The following UBA3 variants were observed in gnomAD, a reference collection of about 807,000 sequenced individuals.
UBA3 encodes the protein ubiquitin like modifier activating enzyme 3.
Under a neutral mutation model 73.5 loss-of-function variants are expected in UBA3, and 26 were observed. The ratio of observed to expected loss-of-function variants is 0.35; its 90% CI spans 0.26 to 0.49. The LOEUF (loss-of-function observed/expected upper bound fraction) is 0.49. Ranked by LOEUF, UBA3 falls within the 20% of genes least tolerant of loss-of-function variation. The pLI is 0.98. For missense variants in UBA3, 495 were observed against 555.6 expected (o/e 0.89, Z 1.10); for synonymous variants, 217 against 191.2 (o/e 1.13, Z -1.11).
chr3:69,080,100 G>A lies in UBA3; in HGVS notation c.62+12C>T. ...TCCCCGGAGAGGGCCCCGGCCTCCC[G>A]GCAGCACTAACTTCTCAGCCAGCAG... On this transcript the variant is annotated intron_variant, in intron 2 of 17. Coordinates refer to ENST00000361055, the MANE Select transcript of UBA3 (RefSeq NM_003968.4). 3 of 1,607,864 alleles carry A rather than the reference G, an allele frequency of 1.9e-6. No individual in the cohort carries two copies. Among genetic ancestry groups the A allele is most frequent in the Non-Finnish European group, 2.5e-6 (3 of 1,178,398 alleles).
intron 6 of UBA3, among the ~76,000 whole-genome samples, chr3:69,065,204 G>T (rs1178122982): frequency 6.6e-6 from 1 of 151,986 alleles, no homozygotes; most frequent in Admixed American, 6.6e-5. Flanking sequence ...CACATAATGG[G>T]GATAGACAAA....
intron 3 of UBA3, among the ~76,000 whole-genome samples, chr3:69,077,002 G>C (rs1214274695): frequency 6.7e-6 from 1 of 149,212 alleles, no homozygotes; most frequent in Non-Finnish European, 1.5e-5. Flanking sequence ...TCATTTAACA[G>C]AAGTAACAAT....
chr3:69,074,787 T>G (rs1207993378), intron 4 of UBA3, among the ~76,000 whole-genome samples: 1 of 152,204 alleles, frequency 6.6e-6, no homozygotes, highest in African/African-American at 2.4e-5. Flanking sequence ...AATTATATAC[T>G]TAATTTATTT....
intron 4 of UBA3, among the ~76,000 whole-genome samples, chr3:69,072,884 C>T (rs758341675): frequency 1.3e-5 from 2 of 152,166 alleles, no homozygotes; most frequent in Non-Finnish European, 2.9e-5. Context: ...GTATCATCCT[C>T]GATTCCTTTC....
chr3:69,075,823 C>A (rs1003261683), intron 3 of UBA3, among the ~76,000 whole-genome samples: 1 of 152,110 alleles, frequency 6.6e-6, no homozygotes, highest in Admixed American at 6.5e-5. Context: ...CCTCCGCCTC[C>A]CAGATTCAGG....
intron 11 of UBA3, chr3:69,061,523 A>G: frequency 4.2e-6 from 1 of 238,804 alleles, no homozygotes; most frequent in Non-Finnish European, 8.1e-6. Flanking sequence ...AATATATAGA[A>G]TATTTGTCTA....
At chr3:69,063,567 G>A in intron 7 of UBA3, 64 bp from the exon 8 acceptor site, 1 of 1,325,954 alleles carries the variant, frequency 7.5e-7, no homozygotes, top group Non-Finnish European at 1.0e-6. Context: ...ATCTTTCAAT[G>A]TAGATTCATC....
chr3:69,057,776 G>A (rs1246665631), intron 11 of UBA3, among the ~76,000 whole-genome samples: 1 of 151,990 alleles, frequency 6.6e-6, no homozygotes, highest in Non-Finnish European at 1.5e-5. Context: ...TGAAGAATAA[G>A]TGTTATCTAA....
intron 6 of UBA3, among the ~76,000 whole-genome samples, chr3:69,067,194 TTGAAGA>T (rs1229423182): frequency 1.3e-5 from 2 of 152,350 alleles, no homozygotes. Context: ...CTTCCAATCT[TTGAAGA>T]TGGACTATCT....
chr3:69,056,724 ATT>A, intron 13 of UBA3, 31 bp from the exon 14 acceptor site: 5 of 1,609,192 alleles, frequency 3.1e-6, no homozygotes, highest in East Asian at 4.5e-5. Flanking sequence ...TCTTTATATA[ATT>A]AAACCAAGTC....
chr3:69,078,681 C>T (rs2092191100), intron 2 of UBA3, among the ~76,000 whole-genome samples: 1 of 152,152 alleles, frequency 6.6e-6, no homozygotes, highest in Admixed American at 6.5e-5. Flanking sequence ...CCATGTTGCA[C>T]AGGCTGGTCT....
intron 3 of UBA3, 129 bp from the exon 4 acceptor site, chr3:69,075,639 G>T: frequency 2.8e-6 from 1 of 354,338 alleles, no homozygotes; most frequent in Non-Finnish European, 5.2e-6. Context: ...AGGAGACTTT[G>T]TATTTGCTCA....
intron 4 of UBA3, among the ~76,000 whole-genome samples, chr3:69,072,367 G>T (rs2092127637): frequency 6.6e-6 from 1 of 152,140 alleles, no homozygotes; most frequent in Admixed American, 6.5e-5. Flanking sequence ...TATACCAAGA[G>T]ATCTTCAAGA....
intron 11 of UBA3, among the ~76,000 whole-genome samples, chr3:69,060,003 A>G (rs934894685): frequency 2.4e-4 from 37 of 152,298 alleles, no homozygotes; most frequent in African/African-American, 8.9e-4. Context: ...CATCCTTGTG[A>G]ACAAGATAAA....
Position 69,059,369 on chromosome 3 carries a change from G to A in UBA3, c.911-2060C>T, listed in dbSNP as rs1022549724. The stretch of plus-strand genomic sequence containing the variant: ...ATGGTCCTGGTCCTGGGGCAAGGAT[G>A]TAAGATAGTTTAAGTGTGAAATATT... On this transcript the variant is annotated intron_variant, in intron 11 of 17. Transcript: ENST00000361055. 1.6e-4 allele frequency among the ~76,000 whole-genome samples: 25 copies of A among 152,204 alleles called. 1 individual carries two copies. Among genetic ancestry groups the A allele is most frequent in the Non-Finnish European group, 1.5e-5 (1 of 68,022 alleles).
chr3:69,077,344 T>C (rs3853156), intron 3 of UBA3: 88,254 of 152,420 alleles, frequency 0.58, 25,711 homozygotes, highest in East Asian at 0.82. Context: ...TGCCTTAAGA[T>C]AGACACTATC....
intron 5 of UBA3, among the ~76,000 whole-genome samples, chr3:69,068,715 G>A (rs1385868216): frequency 6.6e-6 from 1 of 152,056 alleles, no homozygotes; most frequent in East Asian, 1.9e-4. Context: ...CTAGGGAGGT[G>A]AGATTACAGG....
At position 69,073,876 on chromosome 3, in the gene UBA3, C is replaced by A. The variant is rs1375375443; in HGVS notation, c.264+1554G>T. Among the ~76,000 whole-genome samples, 7 of 145,814 alleles carry A rather than the reference C, an allele frequency of 4.8e-5. 1 individual carries two copies. In the South Asian group the frequency reaches 1.6e-3, roughly 33 times the overall value. ...GTCAGGATAGTCTCGATCTCCTGAC[C>A]TTGTGATCCGCCTGCCTCGGCCTCC... On this transcript the variant is annotated intron_variant, in intron 4 of 17. Coordinates refer to ENST00000361055, the MANE Select transcript of UBA3 (RefSeq NM_003968.4).
rs9874969 is a variant in UBA3 at position 69,077,687 on chromosome 3, A to G, written c.183+111T>C. ...ATTTTAAGAAAAATTTAGTTTCACAAAACAATTTTATTAGTATTTTCATTG... is the reference window on the plus strand; with the variant it reads ...ATTTTAAGAAAAATTTAGTTTCACAGAACAATTTTATTAGTATTTTCATTG... On this transcript the variant is annotated intron_variant, in intron 3 of 17. Transcript: ENST00000361055. 1,392 of 1,243,962 alleles carry G rather than the reference A, an allele frequency of 1.1e-3. 7 individuals carry two copies. The African/African-American group carries it at 0.02, about 18-fold the overall frequency. 77.1% of individuals were successfully genotyped at this position (1,243,962 alleles called of 1,614,324 possible). A position where few individuals can be genotyped will look rare whatever the true frequency, so the allele number is the denominator to read the frequency against.
Sources: allele counts gnomAD v4.1 joint callset (sites outside exome capture counted in the v4.1 genomes callset), GRCh38; gene constraint gnomAD v4.1.1; transcripts MANE v1.5; gene names NCBI Gene and HGNC (gene_info 2026-07-23, HGNC 2026-07-21).